DACH2: variants seen among roughly 807,000 people sequenced by gnomAD.
DACH2 encodes the protein dachshund family transcription factor 2.
In DACH2, 17 loss-of-function variants were observed where a neutral mutation model predicts 35.8. The observed-to-expected ratio is 0.48, with a 90% CI of 0.33 to 0.71. The LOEUF is 0.71. DACH2 is among the 30% of genes least tolerant of loss of function. The pLI is 0.02. For missense variants in DACH2, 469 were observed against 472.7 expected (o/e 0.99, Z 0.07); for synonymous variants, 195 against 177.3 (o/e 1.10, Z -0.79).
chrX:86,316,907 C>T (rs764953724), intron 1 of DACH2, among the ~76,000 whole-genome samples: 1 of 110,359 alleles, frequency 9.1e-6, no homozygotes, highest in Non-Finnish European at 1.9e-5. Flanking sequence ...ATCGCGAGGT[C>T]AGAAGTTCAA....
chrX:86,280,121 C>T (rs1478792678), intron 1 of DACH2, among the ~76,000 whole-genome samples: 2 of 110,533 alleles, frequency 1.8e-5, no homozygotes, highest in Non-Finnish European at 1.9e-5. Flanking sequence ...AGATACTCCT[C>T]GAGAAGAGCA....
intron 7 of DACH2, among the ~76,000 whole-genome samples, chrX:86,805,334 G>A (rs1389647662): frequency 1.8e-5 from 2 of 112,465 alleles, no homozygotes; most frequent in African/African-American, 6.5e-5. Context: ...CTGGGATGCA[G>A]GGAGCAGTGT....
At chrX:86,768,532 T>A (rs2147292452) in intron 7 of DACH2, among the ~76,000 whole-genome samples, 1 of 111,868 alleles carries the variant, frequency 8.9e-6, no homozygotes, top group South Asian at 3.7e-4. Context: ...TTCATGGATT[T>A]TTTTGTAGGG....
chrX:86,637,692 TAGAG>T (rs2040292104), intron 3 of DACH2, among the ~76,000 whole-genome samples: 1 of 110,700 alleles, frequency 9.0e-6, no homozygotes, highest in South Asian at 3.9e-4. Flanking sequence ...CCTGGACACA[TAGAG>T]AGAAACTACA....
intron 4 of DACH2, among the ~76,000 whole-genome samples, chrX:86,676,382 T>G (rs1386230982): frequency 8.9e-6 from 1 of 111,828 alleles, no homozygotes; most frequent in African/African-American, 3.3e-5. Context: ...TGAATCCCTT[T>G]GTAAACTAAA....
At chrX:86,769,906 A>T (rs1045934266) in intron 7 of DACH2, among the ~76,000 whole-genome samples, 2 of 109,967 alleles carry the variant, frequency 1.8e-5, no homozygotes, top group African/African-American at 3.3e-5. Context: ...TCACACCTGT[A>T]ATCCCAGCAC....
At chrX:86,218,225 C>T (rs5968829) in intron 1 of DACH2, among the ~76,000 whole-genome samples, 20,121 of 111,315 alleles carry the variant, frequency 0.18, 4,376 homozygotes, top group African/African-American at 0.62. Flanking sequence ...TATGAATTTA[C>T]TGTACCTCAA....
intron 1 of DACH2, among the ~76,000 whole-genome samples, chrX:86,183,379 C>A (rs1420840640): frequency 1.8e-5 from 2 of 112,064 alleles, no homozygotes; most frequent in Non-Finnish European, 3.8e-5. Flanking sequence ...GAGTGTTTAG[C>A]ATGACAGTGT....
chrX:86,807,335 G>A (rs906145703), intron 7 of DACH2, among the ~76,000 whole-genome samples: 5 of 111,229 alleles, frequency 4.5e-5, no homozygotes, highest in Non-Finnish European at 9.4e-5. Context: ...TATCAATTTT[G>A]CTAATAGTAG....
chrX:86,454,838 AAGG>A (rs772203647), intron 2 of DACH2, among the ~76,000 whole-genome samples: 20 of 112,017 alleles, frequency 1.8e-4, no homozygotes, highest in Non-Finnish European at 3.0e-4. Flanking sequence ...CAGTCATTTG[AAGG>A]AGAAGAGGCA....
At chrX:86,824,009 A>G (rs2042538937) in intron 11 of DACH2, among the ~76,000 whole-genome samples, 1 of 111,875 alleles carries the variant, frequency 8.9e-6, no homozygotes, top group Non-Finnish European at 1.9e-5. Context: ...TATGTTCAGC[A>G]GTACACATAT....
chrX:86,542,524 C>T (rs1411728869), intron 3 of DACH2, among the ~76,000 whole-genome samples: 1 of 111,692 alleles, frequency 9.0e-6, no homozygotes, highest in Non-Finnish European at 1.9e-5. Flanking sequence ...AGCACAAAAA[C>T]CCTCTTTAGA....
chrX:86,491,341 A>G (rs1247801962), intron 2 of DACH2, among the ~76,000 whole-genome samples: 1 of 111,907 alleles, frequency 8.9e-6, no homozygotes, highest in Non-Finnish European at 1.9e-5. Flanking sequence ...TTGCCACCTC[A>G]AAATGTTAAA....
At chrX:86,705,285 C>A (rs2041202621) in intron 5 of DACH2, among the ~76,000 whole-genome samples, 1 of 109,037 alleles carries the variant, frequency 9.2e-6, no homozygotes, top group African/African-American at 3.3e-5. Context: ...ACTTTGGGGA[C>A]TCCGGAAAAT....
chrX:86,295,160 G>A (rs1458920542), intron 1 of DACH2, among the ~76,000 whole-genome samples: 2 of 112,485 alleles, frequency 1.8e-5, no homozygotes, highest in Non-Finnish European at 3.8e-5. Context: ...CACAGTATTC[G>A]GGTGGGAGTG....
At chrX:86,457,897 T>A (rs1360903507) in intron 2 of DACH2, among the ~76,000 whole-genome samples, 2 of 111,991 alleles carry the variant, frequency 1.8e-5, no homozygotes, top group East Asian at 5.6e-4. Flanking sequence ...TGTTGAAAGT[T>A]TTTTACTCAT....
chrX:86,245,585 A>T (rs909839471), intron 1 of DACH2, among the ~76,000 whole-genome samples: 2 of 111,981 alleles, frequency 1.8e-5, no homozygotes, highest in African/African-American at 6.5e-5. Flanking sequence ...TGGTCCCCTG[A>T]AACCAGCCAG....
intron 3 of DACH2, among the ~76,000 whole-genome samples, chrX:86,596,955 T>C (rs2039720885): frequency 1.8e-5 from 2 of 111,236 alleles, no homozygotes; most frequent in South Asian, 3.8e-4. Context: ...TATTTATAGG[T>C]CTATTATTGG....
chrX:86,725,671 T>A (rs1443012684), intron 6 of DACH2, among the ~76,000 whole-genome samples: 1 of 110,991 alleles, frequency 9.0e-6, no homozygotes, highest in Middle Eastern at 4.2e-3. Context: ...GTGGCAGTGG[T>A]GGGCCATGCA....
Sources: allele counts gnomAD v4.1 joint callset (sites outside exome capture counted in the v4.1 genomes callset), GRCh38; gene constraint gnomAD v4.1.1; transcripts MANE v1.5; gene names NCBI Gene and HGNC (gene_info 2026-07-23, HGNC 2026-07-21).